The following NPM1 variants were observed in gnomAD, a reference collection of about 807,000 sequenced individuals.
NPM1 encodes nucleophosmin.
A neutral mutation model predicts 44.1 loss-of-function variants in NPM1; 1 was observed. The ratio of observed to expected loss-of-function variants is 0.02; its 90% CI spans 0.01 to 0.11. The LOEUF is 0.11. Among genes scored for constraint, NPM1 ranks in the 10% least tolerant of loss-of-function variants. The pLI is 1.00. For synonymous variants in NPM1, 126 were observed against 111.8 expected (o/e 1.13, Z -0.80); for missense variants, 197 against 347.8 (o/e 0.57, Z 3.45).
chr5:171,391,819 T>C lies in NPM1; in HGVS notation c.352+20T>C. On this transcript the variant is annotated intron_variant, in intron 4 of 10. Transcript: ENST00000296930. Reference sequence around the variant, plus strand: ...TAGTAGGTATGTTATTTTTATATATTATACTACTTAGTTTGTCCTCTTTAG... The same window carrying C: ...TAGTAGGTATGTTATTTTTATATATCATACTACTTAGTTTGTCCTCTTTAG... 1 of 1,452,416 alleles carries C rather than the reference T, an allele frequency of 6.9e-7. No homozygotes were observed. Among genetic ancestry groups the C allele is most frequent in the Admixed American group, 1.7e-5 (1 of 59,072 alleles). 90.0% of individuals were successfully genotyped at this position (1,452,416 alleles called of 1,614,324 possible).
chr5:171,389,502 C>T (rs1171791012), intron 1 of NPM1, among the ~76,000 whole-genome samples: 1 of 152,152 alleles, frequency 6.6e-6, no homozygotes, highest in African/African-American at 2.4e-5. Context: ...AAGAACCCTC[C>T]TTGTCTTAAA....
chr5:171,395,961 GAA>G (rs1561867935), intron 6 of NPM1, among the ~76,000 whole-genome samples: 1 of 126,260 alleles, frequency 7.9e-6, no homozygotes. Context: ...AAGTAAAGCT[GAA>G]TTTTTTTTTT....
chr5:171,407,822 T>C lies in NPM1; in HGVS notation c.846+48T>C, dbSNP rs1049719102. On this transcript the variant is annotated intron_variant, in intron 10 of 10. Coordinates refer to ENST00000296930, the MANE Select transcript of NPM1 (RefSeq NM_002520.7). Reference sequence around the variant, plus strand: ...TGATTAAATCCAAGTTTTTTTGTGATTTATTATGATTCTGCCTTTACCCTT... The same window carrying C: ...TGATTAAATCCAAGTTTTTTTGTGACTTATTATGATTCTGCCTTTACCCTT... 4.3e-6 allele frequency: 5 copies of C among 1,155,810 alleles called. No homozygotes were observed. The South Asian group carries it at 6.2e-5, about 14-fold the overall frequency. 71.6% of individuals were successfully genotyped at this position (1,155,810 alleles called of 1,614,324 possible).
chr5:171,402,183 C>G (rs1771240792), intron 8 of NPM1, among the ~76,000 whole-genome samples: 1 of 149,694 alleles, frequency 6.7e-6, no homozygotes, highest in South Asian at 2.1e-4. Context: ...AACAACCCCA[C>G]TAAAAAGTGG....
rs536652743 is a variant in NPM1 at position 171,391,392 on chromosome 5, C to T, written c.226C>T (p.Leu76=). Residue 76 remains leucine, a synonymous_variant, in exon 3 of 11, where the codon CTG becomes TTG. Coordinates refer to ENST00000296930, the MANE Select transcript of NPM1 (RefSeq NM_002520.7). ...CGAAGGCAGTCCAATTAAAGTAACACTGGCAACTTTGAAAATGTCTGTACA... is the reference window on the plus strand; with the variant it reads ...CGAAGGCAGTCCAATTAAAGTAACATTGGCAACTTTGAAAATGTCTGTACA... ...NYEGSPIKVT[L]ATLKMSVQPT... is the part of the protein sequence containing the mutation. 3 of 1,610,078 alleles carry T rather than the reference C, an allele frequency of 1.9e-6. No homozygotes were observed. Among genetic ancestry groups the T allele is most frequent in the South Asian group, 2.2e-5 (2 of 91,070 alleles).
At chr5:171,397,686 G>C (rs566758562) in intron 6 of NPM1, among the ~76,000 whole-genome samples, 1 of 151,832 alleles carries the variant, frequency 6.6e-6, no homozygotes, top group Admixed American at 6.6e-5. Context: ...TAGTAGAGAA[G>C]GGGTTTTGCC....
intron 1 of NPM1, among the ~76,000 whole-genome samples, chr5:171,388,567 C>T (rs1378233306): frequency 9.3e-6 from 1 of 107,106 alleles, no homozygotes; most frequent in Non-Finnish European, 1.8e-5. Context: ...GCCGCAACCG[C>T]TGGGAGCACG....
At chr5:171,394,044 T>TTC (rs200486066) in intron 6 of NPM1, among the ~76,000 whole-genome samples, 37,333 of 126,034 alleles carry the variant, frequency 0.3, 5,551 homozygotes, top group South Asian at 0.39. Flanking sequence ...TTGTTTTCTT[T>TTC]TTTTTTTTTT....
chr5:171,398,241 T>C (rs1278638605), intron 6 of NPM1, among the ~76,000 whole-genome samples: 18 of 152,260 alleles, frequency 1.2e-4, no homozygotes, highest in Admixed American at 1.2e-3. Context: ...TTTTGTTGCT[T>C]GTGCCTTTGG....
chr5:171,391,768 G>C lies in NPM1; in HGVS notation c.321G>C (p.Gly107=). ...PVVLRLKCGS[G]PVHISGQHLV... is the part of the protein sequence containing the mutation. The stretch of plus-strand genomic sequence containing the variant: ...TCTTAAGGTTGAAGTGTGGTTCAGG[G>C]CCAGTGCATATTAGTGGACAGCACT... The change falls in exon 4 of 11, where the codon GGG becomes GGC. Residue 107 remains glycine, a synonymous_variant. Transcript: ENST00000296930. 6.2e-7 allele frequency: 1 copy of C among 1,608,982 alleles called. No individual in the cohort carries two copies. The highest frequency in any genetic ancestry group is 8.5e-7 in the Non-Finnish European group (1 of 1,176,672).
rs1266262705 is a variant in NPM1, at chr5:171,390,109, G to A, written c.117G>A (p.Glu39=). ...YHFKVDNDEN[E]HQLSLRTVSL... ...TTAAGGTGGATAATGATGAAAATGA[G>A]CACCAGTTATCTTTAAGAACGGTAC... The change falls in exon 2 of 11, where the codon GAG becomes GAA. Residue 39 remains glutamate (E), a synonymous_variant. Coordinates refer to ENST00000296930, the MANE Select transcript of NPM1 (RefSeq NM_002520.7). 6.4e-7 allele frequency: 1 copy of A among 1,569,044 alleles called. No individual in the cohort carries two copies.
rs1299020514 is a variant in NPM1 at position 171,387,961 on chromosome 5, A to G, written c.13A>G (p.Met5Val). Residue 5 changes from methionine to valine, a missense_variant, in exon 1 of 11, where the codon ATG becomes GTG. Transcript: ENST00000296930. ...GTGCCGCCACCCGATGGAAGATTCG[A>G]TGGACATGGACATGAGCCCCCTGAG... MEDSMDMDMSPLRPQ... is the reference protein window; with the variant it reads MEDSVDMDMSPLRPQ... 3 of 1,603,736 alleles carry G rather than the reference A, an allele frequency of 1.9e-6. No individual in the cohort carries two copies. Among genetic ancestry groups the G allele is most frequent in the Admixed American group, 1.7e-5 (1 of 59,682 alleles).
Position 171,407,759 on chromosome 5 carries a change from G to A in NPM1, c.831G>A (p.Arg277=). Reference sequence around the variant, plus strand: ...TCAATTATGTGAAGAATTGCTTCCGGATGACTGACCAAGAGGTAACTGGAT... The same window carrying A: ...TCAATTATGTGAAGAATTGCTTCCGAATGACTGACCAAGAGGTAACTGGAT... ...KFINYVKNCF[R]MTDQEAIQDL... Residue 277 remains arginine, a synonymous_variant, in exon 10 of 11, where the codon CGG becomes CGA. Transcript: ENST00000296930. The A allele has an allele frequency of 6.2e-7, 1 of 1,608,726 alleles. No individual in the cohort carries two copies.
chr5:171,408,768 CTG>C (rs1309499789), intron 10 of NPM1, among the ~76,000 whole-genome samples: 4 of 152,162 alleles, frequency 2.6e-5, no homozygotes, highest in Non-Finnish European at 4.4e-5. Flanking sequence ...CGTTATGCAA[CTG>C]TTTATTTAAT....
At chr5:171,404,006 G>T (rs1469714195) in intron 8 of NPM1, among the ~76,000 whole-genome samples, 3 of 75,750 alleles carry the variant, frequency 4.0e-5, no homozygotes, top group Non-Finnish European at 5.4e-5. Context: ...CGGGCTGAGG[G>T]GCTCCTCACT....
At chr5:171,409,965 T>G (rs1771743738) in intron 10 of NPM1, among the ~76,000 whole-genome samples, 1 of 152,048 alleles carries the variant, frequency 6.6e-6, no homozygotes, top group African/African-American at 2.4e-5. Flanking sequence ...GCCTGGCTAA[T>G]TTTTGCATTT....
rs113198860 is a variant in NPM1, at chr5:171,399,330, C to G, written c.525-823C>G. 6.0e-3 allele frequency among the ~76,000 whole-genome samples: 916 copies of G among 152,216 alleles called. 10 individuals are homozygous for G. Among genetic ancestry groups the G allele is most frequent in the African/African-American group, 0.021 (880 of 41,530 alleles). On this transcript the variant is annotated intron_variant, in intron 6 of 10. Coordinates refer to ENST00000296930, the MANE Select transcript of NPM1 (RefSeq NM_002520.7). ...GTGCAGTGGCAGAATTACACAGTTA[C>G]AGTTCACTGTCTCAAGCAGATCCTC...
At chr5:171,387,628 A>AG (rs1048921184), upstream of NPM1, 58 of 282,246 alleles carry the variant, frequency 2.1e-4, no homozygotes, top group African/African-American at 1.2e-3. Flanking sequence ...ACAGCAGCGG[A>AG]GGGGTGGGGC....
chr5:171,401,575 T>G (rs1228513491), intron 8 of NPM1, among the ~76,000 whole-genome samples: 6 of 152,150 alleles, frequency 3.9e-5, no homozygotes, highest in African/African-American at 1.4e-4. Flanking sequence ...TAGCTGGGAC[T>G]ACATGCGCGT....
Sources: gnomAD v4.1 joint callset for allele counts (sites outside exome capture counted in the v4.1 genomes callset) on GRCh38, gnomAD v4.1.1 for gene constraint, MANE v1.5 for transcripts, NCBI Gene and HGNC (gene_info 2026-07-23, HGNC 2026-07-21) for gene names.